TRPC4: variants seen among roughly 807,000 people sequenced by gnomAD.
The protein encoded by TRPC4 is transient receptor potential cation channel subfamily C member 4, also known as short transient receptor potential channel 4.
In TRPC4, 49 loss-of-function variants were observed where a neutral mutation model predicts 99.4. That is an observed-to-expected ratio of 0.49 (90% confidence interval 0.39 to 0.63). The LOEUF (loss-of-function observed/expected upper bound fraction) is 0.63, where lower values mean the gene tolerates loss of function less well. Ranked by LOEUF, TRPC4 falls within the 20% of genes least tolerant of loss-of-function variation. The probability of loss-of-function intolerance (pLI) is 0.00; values close to 1 mark genes in which losing one functional copy is unlikely to be tolerated. For missense variants in TRPC4, 898 were observed against 1,152.9 expected (o/e 0.78, Z 3.20); for synonymous variants, 454 against 425.9 (o/e 1.07, Z -0.81).
chr13:37,764,754 GT>G (rs1286421340), intron 2 of TRPC4, among the ~76,000 whole-genome samples: 3 of 140,928 alleles, frequency 2.1e-5, no homozygotes, highest in Non-Finnish European at 3.1e-5. Context: ...GTTTGCTAAA[GT>G]TTTTTTTGTT....
intron 3 of TRPC4, among the ~76,000 whole-genome samples, chr13:37,735,480 C>T (rs923411741): frequency 6.6e-6 from 1 of 152,036 alleles, no homozygotes. Context: ...GAGAAAATAA[C>T]CTTGAAGTAT....
chr13:37,651,522 A>G (rs915793259), intron 7 of TRPC4, 63 bp from the exon 8 acceptor site: 1 of 1,472,620 alleles, frequency 6.8e-7, no homozygotes. Flanking sequence ...CATAAATCTC[A>G]CAGAGATCCT....
chr13:37,832,188 AT>A (rs1248708381), intron 1 of TRPC4, among the ~76,000 whole-genome samples: 5 of 152,178 alleles, frequency 3.3e-5, no homozygotes, highest in Non-Finnish European at 5.9e-5. Flanking sequence ...CAGTAAAATA[AT>A]TTTTTAAATG....
intron 1 of TRPC4, among the ~76,000 whole-genome samples, chr13:37,816,380 C>T (rs1215492270): frequency 1.3e-5 from 2 of 151,840 alleles, no homozygotes; most frequent in African/African-American, 2.4e-5. Context: ...AGCACTGATT[C>T]AAGTGGACCT....
At chr13:37,775,425 C>G (rs1323095838) in intron 2 of TRPC4, among the ~76,000 whole-genome samples, 2 of 147,864 alleles carry the variant, frequency 1.4e-5, no homozygotes, top group African/African-American at 5.0e-5. Context: ...TAATTTCCAA[C>G]TTTTAAGTTA....
intron 3 of TRPC4, among the ~76,000 whole-genome samples, chr13:37,731,281 T>A (rs1406684961): frequency 1.3e-5 from 2 of 152,020 alleles, no homozygotes; most frequent in Non-Finnish European, 2.9e-5. Flanking sequence ...TGAAAACGGA[T>A]GGCCAAGATT....
intron 1 of TRPC4, among the ~76,000 whole-genome samples, chr13:37,838,166 C>T (rs1371758208): frequency 6.6e-6 from 1 of 152,186 alleles, no homozygotes. Flanking sequence ...TGAAAATGGA[C>T]TAACACATAT....
At chr13:37,664,256 C>T (rs1952556762) in intron 5 of TRPC4, among the ~76,000 whole-genome samples, 1 of 152,032 alleles carries the variant, frequency 6.6e-6, no homozygotes, top group Non-Finnish European at 1.5e-5. Flanking sequence ...TGTGTACTAT[C>T]GAGGTAAATT....
At chr13:37,676,244 G>C (rs1278914754) in intron 4 of TRPC4, among the ~76,000 whole-genome samples, 1 of 104,036 alleles carries the variant, frequency 9.6e-6, no homozygotes, top group African/African-American at 3.7e-5. Context: ...AAAAGATAAA[G>C]AAAAAATACC....
At chr13:37,688,113 G>A (rs1379284452) in intron 4 of TRPC4, among the ~76,000 whole-genome samples, 1 of 152,144 alleles carries the variant, frequency 6.6e-6, no homozygotes, top group African/African-American at 2.4e-5. Context: ...ATCTCTTGAG[G>A]CTGTTTGATG....
chr13:37,751,408 G>GAGAAAA (rs1955929820), intron 2 of TRPC4, among the ~76,000 whole-genome samples: 1 of 151,708 alleles, frequency 6.6e-6, no homozygotes, highest in African/African-American at 2.4e-5. Context: ...GAGAGAGAGA[G>GAGAAAA]AGAAAGAAAG....
chr13:37,748,369 C>T (rs901394845), intron 2 of TRPC4, among the ~76,000 whole-genome samples: 2 of 151,996 alleles, frequency 1.3e-5, no homozygotes, highest in African/African-American at 4.8e-5. Context: ...GCTTTTTAAG[C>T]TGTTAAGAAT....
At chr13:37,841,237 A>G (rs1458632065) in intron 1 of TRPC4, among the ~76,000 whole-genome samples, 1 of 152,124 alleles carries the variant, frequency 6.6e-6, no homozygotes, top group Non-Finnish European at 1.5e-5. Context: ...GTCTAGGGAT[A>G]AGCTAATAGG....
chr13:37,806,109 G>C (rs1449631123), intron 1 of TRPC4, among the ~76,000 whole-genome samples: 2 of 151,908 alleles, frequency 1.3e-5, no homozygotes, highest in Non-Finnish European at 2.9e-5. Context: ...GATGAGTTCA[G>C]CTACAAACCC....
chr13:37,819,072 GA>G (rs1211140089), intron 1 of TRPC4, among the ~76,000 whole-genome samples: 2 of 151,884 alleles, frequency 1.3e-5, no homozygotes, highest in Non-Finnish European at 2.9e-5. Flanking sequence ...GGAGGCATAT[GA>G]AAAAAAGCTT....
intron 2 of TRPC4, among the ~76,000 whole-genome samples, chr13:37,773,997 A>G (rs1374527490): frequency 6.6e-6 from 1 of 151,774 alleles, no homozygotes; most frequent in Non-Finnish European, 1.5e-5. Flanking sequence ...CCAAATATTA[A>G]TGTGTCAAAA....
intron 1 of TRPC4, among the ~76,000 whole-genome samples, chr13:37,808,877 C>T (rs1341086537): frequency 2.6e-5 from 4 of 151,226 alleles, no homozygotes; most frequent in African/African-American, 4.9e-5. Flanking sequence ...ACCGTATGTA[C>T]AATAGAGAAA....
chr13:37,652,564 C>T lies in TRPC4; in HGVS notation c.1885-1105G>A, dbSNP rs557687847. Among the ~76,000 whole-genome samples, 14 of 152,336 alleles carry T rather than the reference C, an allele frequency of 9.2e-5. No individual in the cohort carries two copies. The South Asian group carries it at 2.9e-3, about 32-fold the overall frequency. ...CACATAAATCGGAACACAGAAGCTGCAGTTTCCCTCCCTTTTTCCCTCCTC... is the reference window on the plus strand; with the variant it reads ...CACATAAATCGGAACACAGAAGCTGTAGTTTCCCTCCCTTTTTCCCTCCTC... On this transcript the variant is annotated intron_variant, in intron 7 of 10. Coordinates refer to ENST00000379705, the MANE Select transcript of TRPC4 (RefSeq NM_016179.4).
At chr13:37,819,646 A>T (rs891695657) in intron 1 of TRPC4, among the ~76,000 whole-genome samples, 5 of 151,974 alleles carry the variant, frequency 3.3e-5, no homozygotes, top group African/African-American at 1.2e-4. Flanking sequence ...CATAGAGGGG[A>T]ACAACACATA....
Sources: gnomAD v4.1 joint callset for allele counts (sites outside exome capture counted in the v4.1 genomes callset) on GRCh38, gnomAD v4.1.1 for gene constraint, MANE v1.5 for transcripts, NCBI Gene and HGNC (gene_info 2026-07-23, HGNC 2026-07-21) for gene names.